Variants in APP observed in about 807,000 individuals in gnomAD.
The protein encoded by APP is amyloid-beta precursor protein.
In APP, 31 loss-of-function variants were observed where a neutral mutation model predicts 101.4. That is an observed-to-expected ratio of 0.31 (90% CI 0.23 to 0.41). APP has a LOEUF of 0.41. APP is among the 10% of genes least tolerant of loss of function. The pLI, the probability that APP is intolerant of heterozygous loss-of-function variation, is 1.00. For missense variants in APP, 839 were observed against 1,003.7 expected (o/e 0.84, Z 2.22); for synonymous variants, 366 against 364.4 (o/e 1.00, Z -0.05).
intron 6 of APP, among the ~76,000 whole-genome samples, chr21:26,008,118 CT>C (rs2043619196): frequency 6.6e-6 from 1 of 152,156 alleles, no homozygotes; most frequent in Non-Finnish European, 1.5e-5. Flanking sequence ...GTTGGCTAGC[CT>C]TTTTACTGAA....
chr21:25,961,887 AAG>A (rs1287404425), intron 11 of APP, among the ~76,000 whole-genome samples: 2 of 151,254 alleles, frequency 1.3e-5, no homozygotes, highest in Non-Finnish European at 2.9e-5. Flanking sequence ...GATATTGATA[AAG>A]AGAGTTTAAG....
chr21:25,920,182 G>A (rs1208434208), intron 13 of APP, among the ~76,000 whole-genome samples: 1 of 151,332 alleles, frequency 6.6e-6, no homozygotes, highest in Non-Finnish European at 1.5e-5. Context: ...AATGCTGAGA[G>A]ATTTTGTCAC....
intron 3 of APP, among the ~76,000 whole-genome samples, chr21:26,066,542 G>A (rs896429587): frequency 1.4e-5 from 2 of 145,578 alleles, no homozygotes; most frequent in Non-Finnish European, 3.0e-5. Context: ...CCACCATTCT[G>A]TTTTCCATCT....
intron 13 of APP, among the ~76,000 whole-genome samples, chr21:25,944,790 A>G (rs2040733587): frequency 6.6e-6 from 1 of 152,114 alleles, no homozygotes; most frequent in Non-Finnish European, 1.5e-5. Context: ...CCAGTCTAAA[A>G]TCATTGGTTG....
At chr21:25,929,985 T>G (rs1251409442) in intron 13 of APP, among the ~76,000 whole-genome samples, 1 of 152,166 alleles carries the variant, frequency 6.6e-6, no homozygotes, top group Admixed American at 6.5e-5. Context: ...AAGCCCTTAC[T>G]AGTCCACATG....
intron 17 of APP, among the ~76,000 whole-genome samples, chr21:25,887,517 G>GAAAAAAAAA (rs199637906): frequency 3.5e-5 from 4 of 114,448 alleles, no homozygotes; most frequent in African/African-American, 1.0e-4. Flanking sequence ...CTGCTTATTT[G>GAAAAAAAAA]AAAAAAAAAA....
chr21:26,158,521 C>T (rs1408779328), intron 1 of APP, among the ~76,000 whole-genome samples: 1 of 152,210 alleles, frequency 6.6e-6, no homozygotes. Context: ...GTGTCACTAT[C>T]TGGCCCATGA....
intron 11 of APP, among the ~76,000 whole-genome samples, chr21:25,961,610 C>T (rs1040357715): frequency 6.6e-6 from 1 of 152,112 alleles, no homozygotes; most frequent in Admixed American, 6.5e-5. Flanking sequence ...ATTTCTTGAG[C>T]TATAATAATG....
At chr21:25,963,725 G>A (rs748990763) in intron 11 of APP, among the ~76,000 whole-genome samples, 1 of 152,206 alleles carries the variant, frequency 6.6e-6, no homozygotes, top group African/African-American at 2.4e-5. Flanking sequence ...AAGTCTCTCT[G>A]TGCTTGAGAT....
At chr21:26,142,455 T>C (rs2063067264) in intron 1 of APP, among the ~76,000 whole-genome samples, 1 of 152,202 alleles carries the variant, frequency 6.6e-6, no homozygotes, top group African/African-American at 2.4e-5. Flanking sequence ...CATTAGATAC[T>C]TCCCTATTCA....
intron 3 of APP, 43 bp downstream of exon 3, chr21:26,089,900 C>A: frequency 1.2e-6 from 2 of 1,612,932 alleles, no homozygotes; most frequent in Non-Finnish European, 1.7e-6. Flanking sequence ...TCCCTCAAGA[C>A]CAGGCCCCCA....
At position 26,112,018 on chromosome 21, in the gene APP, G is replaced by A. The variant is rs201970902; in HGVS notation, c.186C>T (p.Cys62=). ...WDSDPSGTKT[C]IDTKEGILQY... ...GCAGGATGCCTTCCTTGGTATCAAT[G>A]CAGGTTTTGGTCCCTGATGGATCTG... Residue 62 remains cysteine (C), a synonymous_variant, in exon 2 of 18, where the codon TGC becomes TGT. Coordinates refer to ENST00000346798, the MANE Select transcript of APP (RefSeq NM_000484.4). 1.7e-4 allele frequency: 274 copies of A among 1,613,972 alleles called. 1 individual carries two copies. The highest frequency in any genetic ancestry group is 2.2e-4 in the Non-Finnish European group (255 of 1,180,008).
intron 3 of APP, among the ~76,000 whole-genome samples, chr21:26,069,263 C>G (rs2046581563): frequency 6.6e-6 from 1 of 152,164 alleles, no homozygotes; most frequent in Admixed American, 6.5e-5. Flanking sequence ...TAACTCTACT[C>G]CACTCAAACT....
chr21:26,114,369 A>G (rs902375504), intron 1 of APP, among the ~76,000 whole-genome samples: 1 of 152,186 alleles, frequency 6.6e-6, no homozygotes, highest in Non-Finnish European at 1.5e-5. Context: ...TCCACAATGT[A>G]TCAGGGTCTG....
At chr21:26,031,157 G>C (rs921693989) in intron 5 of APP, among the ~76,000 whole-genome samples, 3 of 152,174 alleles carry the variant, frequency 2.0e-5, no homozygotes, top group African/African-American at 7.2e-5. Context: ...AGGTGTCAAT[G>C]CAGCAAGAAC....
At chr21:25,922,480 C>A (rs2039676770) in intron 13 of APP, among the ~76,000 whole-genome samples, 1 of 66,084 alleles carries the variant, frequency 1.5e-5, no homozygotes, top group Non-Finnish European at 3.0e-5. Flanking sequence ...TAGAAAACCC[C>A]ATTGTCTCAG....
chr21:26,025,432 A>T (rs1395408670), intron 5 of APP, among the ~76,000 whole-genome samples: 1 of 152,218 alleles, frequency 6.6e-6, no homozygotes, highest in Non-Finnish European at 1.5e-5. Flanking sequence ...TGATGTATAC[A>T]CGTGATCTTG....
At chr21:26,014,785 T>C (rs2043980205) in intron 6 of APP, among the ~76,000 whole-genome samples, 1 of 152,202 alleles carries the variant, frequency 6.6e-6, no homozygotes, top group South Asian at 2.1e-4. Flanking sequence ...GAAAAATAAT[T>C]TAATTCTGCC....
intron 1 of APP, among the ~76,000 whole-genome samples, chr21:26,138,403 T>G (rs2062966237): frequency 6.6e-6 from 1 of 152,028 alleles, no homozygotes; most frequent in Non-Finnish European, 1.5e-5. Context: ...CTGAAACTAC[T>G]TATAGAATGT....
Sources: allele counts gnomAD v4.1 joint callset (sites outside exome capture counted in the v4.1 genomes callset), GRCh38; gene constraint gnomAD v4.1.1; transcripts MANE v1.5; gene names NCBI Gene and HGNC (gene_info 2026-07-23, HGNC 2026-07-21).